DMC1: variants seen among roughly 807,000 people sequenced by gnomAD.
DMC1 encodes DNA meiotic recombinase 1.
Under a neutral mutation model 50.1 loss-of-function variants are expected in DMC1, and 27 were observed. The ratio of observed to expected loss-of-function variants is 0.54; its 90% confidence interval spans 0.40 to 0.74. The LOEUF is 0.74. DMC1 is among the 30% of genes least tolerant of loss of function. The probability of loss-of-function intolerance (pLI) is 0.00; values close to 1 mark genes in which losing one functional copy is unlikely to be tolerated. For missense variants in DMC1, 295 were observed against 420.2 expected (o/e 0.70, Z 2.60); for synonymous variants, 148 against 136.1 (o/e 1.09, Z -0.61).
chr22:38,559,594 C>T (rs556472241), intron 5 of DMC1, among the ~76,000 whole-genome samples: 1 of 152,322 alleles, frequency 6.6e-6, no homozygotes, highest in Admixed American at 6.5e-5. Flanking sequence ...TTCATTTAGT[C>T]ATTCAACAAA....
intron 7 of DMC1, among the ~76,000 whole-genome samples, chr22:38,550,392 C>T (rs1254883443): frequency 6.7e-6 from 1 of 148,908 alleles, no homozygotes; most frequent in Non-Finnish European, 1.5e-5. Context: ...CAGCTCACTG[C>T]AATCTCCGCC....
intron 5 of DMC1, among the ~76,000 whole-genome samples, chr22:38,557,551 C>T (rs1216656078): frequency 6.6e-6 from 1 of 152,066 alleles, no homozygotes; most frequent in South Asian, 2.1e-4. Context: ...ACAGAAAATA[C>T]CAAAATTAGC....
chr22:38,529,608 C>T (rs986350758), intron 12 of DMC1, among the ~76,000 whole-genome samples: 1 of 152,042 alleles, frequency 6.6e-6, no homozygotes, highest in African/African-American at 2.4e-5. Context: ...ATGCTGGGGT[C>T]ATGAAACATA....
At position 38,521,820 on chromosome 22, in the gene DMC1, A is replaced by G. The variant is rs1266898204; in HGVS notation, c.837-96T>C. 2.2e-5 allele frequency: 19 copies of G among 871,132 alleles called. No homozygotes were observed. The African/African-American group carries it at 2.3e-4, about 11-fold the overall frequency. The allele number at this position is 871,132 out of a possible 1,614,324, so 54.0% of individuals were successfully genotyped here. A position where few individuals can be genotyped will look rare whatever the true frequency, so the allele number is the denominator to read the frequency against. On this transcript the variant is annotated intron_variant, in intron 12 of 13. Transcript: ENST00000216024. ...CAATCTTTCTGTGGTGGATGTCAGG[A>G]GTTGGAATAAGTGTATATTCTAAAC...
chr22:38,561,472 G>T (rs2090526868), intron 5 of DMC1, among the ~76,000 whole-genome samples: 1 of 152,140 alleles, frequency 6.6e-6, no homozygotes, highest in Admixed American at 6.6e-5. Flanking sequence ...TAGAGTTAGG[G>T]TGTGTGAGAG....
intron 1 of DMC1, 189 bp from the exon 2 acceptor site, chr22:38,568,478 T>C (rs992728785): frequency 3.5e-6 from 2 of 579,224 alleles, no homozygotes; most frequent in Non-Finnish European, 6.1e-6. Flanking sequence ...TGTGTGCATG[T>C]GTGTGTGTGT....
At chr22:38,530,060 G>A (rs2145820140) in intron 12 of DMC1, among the ~76,000 whole-genome samples, 1 of 152,228 alleles carries the variant, frequency 6.6e-6, no homozygotes, top group Middle Eastern at 3.4e-3. Context: ...CAGCCTCCTG[G>A]GTTCAAGCAA....
chr22:38,560,239 C>A (rs1334644897), intron 5 of DMC1, among the ~76,000 whole-genome samples: 1 of 151,868 alleles, frequency 6.6e-6, no homozygotes. Flanking sequence ...TGACAGCAAG[C>A]CATGTAGATC....
rs1379610985 is a variant in DMC1 at position 38,537,586 on chromosome 22, G to A, written c.836+6C>T. On this transcript the variant is annotated splice_donor_region_variant and intron_variant, in intron 12 of 13. Coordinates refer to ENST00000216024, the MANE Select transcript of DMC1 (RefSeq NM_007068.4). Reference sequence around the variant, plus strand: ...GTGAAATAAAAAGTAGAATATTGGGGCTTACGTCATAGTTGCTCCTGGATC... The same window carrying A: ...GTGAAATAAAAAGTAGAATATTGGGACTTACGTCATAGTTGCTCCTGGATC... 6.2e-7 allele frequency: 1 copy of A among 1,612,008 alleles called. No individual in the cohort carries two copies. Among genetic ancestry groups the A allele is most frequent in the South Asian group, 1.1e-5 (1 of 91,016 alleles).
At chr22:38,563,757 T>C (rs971908137) in intron 4 of DMC1, among the ~76,000 whole-genome samples, 3 of 151,596 alleles carry the variant, frequency 2.0e-5, no homozygotes, top group Admixed American at 6.6e-5. Context: ...TGGAGTGCAG[T>C]GGCGCGATCT....
At chr22:38,532,701 C>A (rs1333383628) in intron 12 of DMC1, among the ~76,000 whole-genome samples, 4 of 151,912 alleles carry the variant, frequency 2.6e-5, no homozygotes, top group African/African-American at 9.7e-5. Context: ...CTCACTGCAG[C>A]CTTGACCTCC....
intron 5 of DMC1, 81 bp from the exon 6 acceptor site, chr22:38,555,490 T>G: frequency 1.1e-6 from 1 of 895,302 alleles, no homozygotes; most frequent in Non-Finnish European, 1.9e-6. Context: ...ATCATTAGTA[T>G]CCTTCCTATC....
At chr22:38,547,957 A>G (rs1480566318) in intron 8 of DMC1, among the ~76,000 whole-genome samples, 1 of 152,158 alleles carries the variant, frequency 6.6e-6, no homozygotes, top group African/African-American at 2.4e-5. Flanking sequence ...TTGAACTTAT[A>G]ATGATCTTTC....
At position 38,519,789 on chromosome 22, in the gene DMC1, A is replaced by G; in HGVS notation, c.*231T>C. 2.1e-6 allele frequency: 1 copy of G among 475,422 alleles called. No homozygotes were observed. The highest frequency in any genetic ancestry group is 3.9e-6 in the Non-Finnish European group (1 of 258,966). The allele number at this position is 475,422 out of a possible 1,614,324, so 29.5% of individuals were successfully genotyped here. ...TATATATGTCAGGTATACACACACA[A>G]ACACACACACACACAAACATACATA... On this transcript the variant is annotated 3_prime_UTR_variant, in exon 14 of 14. Coordinates refer to ENST00000216024, the MANE Select transcript of DMC1 (RefSeq NM_007068.4).
At chr22:38,524,473 T>C (rs62228904) in intron 12 of DMC1, among the ~76,000 whole-genome samples, 6,993 of 151,898 alleles carry the variant, frequency 0.046, 283 homozygotes, top group East Asian at 0.11. Flanking sequence ...AAAAAGAAAA[T>C]AAGGGCTCTC....
chr22:38,514,945 C>CTTT (rs1225224373), downstream of DMC1, among the ~76,000 whole-genome samples: 4 of 121,972 alleles, frequency 3.3e-5, no homozygotes, highest in Non-Finnish European at 5.1e-5. Flanking sequence ...TTTTTTTATT[C>CTTT]TTTTTTTTTT....
At chr22:38,524,551 G>C (rs1162879812) in intron 12 of DMC1, among the ~76,000 whole-genome samples, 1 of 152,132 alleles carries the variant, frequency 6.6e-6, no homozygotes, top group Non-Finnish European at 1.5e-5. Flanking sequence ...TTGTACTCAT[G>C]TTTTCTCCTT....
intron 8 of DMC1, among the ~76,000 whole-genome samples, chr22:38,541,898 GCAAGGATGGTTCAACATATA>G (rs1248153444): frequency 6.6e-6 from 1 of 151,796 alleles, no homozygotes; most frequent in African/African-American, 2.4e-5. Flanking sequence ...TCTCAGGGAT[GCAAGGATGGTTCAACATATA>G]CAAATCAATG....
intron 12 of DMC1, among the ~76,000 whole-genome samples, chr22:38,528,916 T>A (rs2090125419): frequency 6.6e-6 from 1 of 152,234 alleles, no homozygotes; most frequent in Non-Finnish European, 1.5e-5. Context: ...TCCTGACTAT[T>A]ACAGCAGTTA....
Sources: gnomAD v4.1 joint callset for allele counts (sites outside exome capture counted in the v4.1 genomes callset) on GRCh38, gnomAD v4.1.1 for gene constraint, MANE v1.5 for transcripts, NCBI Gene and HGNC (gene_info 2026-07-23, HGNC 2026-07-21) for gene names.